SLC8A1: variants seen among roughly 807,000 people sequenced by gnomAD.
SLC8A1 encodes the protein solute carrier family 8 member A1, also known as sodium/calcium exchanger 1.
A neutral mutation model predicts 68.3 loss-of-function variants in SLC8A1; 18 were observed. That is an observed-to-expected ratio of 0.26 (90% CI 0.18 to 0.39). The LOEUF is 0.39. Ranked by LOEUF, SLC8A1 falls within the 10% of genes least tolerant of loss-of-function variation. The pLI is 1.00. For missense variants in SLC8A1, 985 were observed against 1,156.7 expected, an observed-to-expected ratio of 0.85 and a Z score of 2.15; for synonymous variants, 475 against 415.5, an observed-to-expected ratio of 1.14 and a Z score of -1.74.
chr2:40,141,255 G>C (rs1391489099), intron 6 of SLC8A1, among the ~76,000 whole-genome samples: 2 of 152,126 alleles, frequency 1.3e-5, no homozygotes, highest in Non-Finnish European at 2.9e-5. Context: ...CAAGCCATTG[G>C]GTGCAGATGA....
At chr2:40,234,892 T>C (rs2060162809) in intron 2 of SLC8A1, among the ~76,000 whole-genome samples, 1 of 152,184 alleles carries the variant, frequency 6.6e-6, no homozygotes, top group African/African-American at 2.4e-5. Context: ...GTTTATATGC[T>C]GGATTATATT....
intron 2 of SLC8A1, among the ~76,000 whole-genome samples, chr2:40,321,766 C>T (rs1454729434): frequency 6.6e-6 from 1 of 151,998 alleles, no homozygotes; most frequent in Non-Finnish European, 1.5e-5. Context: ...CCACTGAGTC[C>T]CTCCCATGAC....
chr2:40,151,468 G>T (rs561147409), intron 6 of SLC8A1, among the ~76,000 whole-genome samples: 8 of 152,170 alleles, frequency 5.3e-5, no homozygotes, highest in Non-Finnish European at 7.4e-5. Context: ...TAGAGAAATA[G>T]CGATGAACAG....
At chr2:40,231,360 C>A (rs545278119) in intron 2 of SLC8A1, among the ~76,000 whole-genome samples, 2 of 152,252 alleles carry the variant, frequency 1.3e-5, no homozygotes, top group South Asian at 4.1e-4. Flanking sequence ...TGGGGATATA[C>A]CTGATCCACA....
intron 1 of SLC8A1, 141 bp downstream of exon 1, chr2:40,451,763 A>T (rs1417148338): frequency 6.5e-6 from 1 of 154,834 alleles, no homozygotes; most frequent in East Asian, 1.9e-4. Context: ...ACACACACAC[A>T]CACACACACA....
intron 1 of SLC8A1, among the ~76,000 whole-genome samples, chr2:40,484,457 G>A (rs570820906): frequency 9.8e-5 from 15 of 152,292 alleles, no homozygotes; most frequent in African/African-American, 3.6e-4. Context: ...GAGCTTTCTC[G>A]TATCTTTACA....
chr2:40,388,501 A>G (rs1331383171), intron 2 of SLC8A1, among the ~76,000 whole-genome samples: 2 of 152,170 alleles, frequency 1.3e-5, no homozygotes, highest in South Asian at 2.1e-4. Flanking sequence ...GGACCCATTT[A>G]AAACGTTAGG....
intron 2 of SLC8A1, among the ~76,000 whole-genome samples, chr2:40,401,134 T>A (rs891343174): frequency 6.6e-6 from 1 of 152,330 alleles, no homozygotes; most frequent in East Asian, 1.9e-4. Flanking sequence ...AAAAACCTGA[T>A]TGCAAGTCTT....
intron 1 of SLC8A1, among the ~76,000 whole-genome samples, chr2:40,484,911 A>C (rs1329800279): frequency 1.3e-5 from 2 of 152,184 alleles, no homozygotes; most frequent in Admixed American, 6.5e-5. Flanking sequence ...AGAGATATGC[A>C]TTGCTTGCAT....
At chr2:40,202,439 T>C (rs1161348970) in intron 2 of SLC8A1, among the ~76,000 whole-genome samples, 1 of 152,020 alleles carries the variant, frequency 6.6e-6, no homozygotes, top group Non-Finnish European at 1.5e-5. Context: ...GGTGATTATG[T>C]TTCTACCTGA....
At chr2:40,279,762 AGTTGGT>A in intron 2 of SLC8A1, among the ~76,000 whole-genome samples, 1 of 152,156 alleles carries the variant, frequency 6.6e-6, no homozygotes, top group Non-Finnish European at 1.5e-5. Flanking sequence ...TAGGGTGAAA[AGTTGGT>A]ACATTCTGTT....
At chr2:40,182,989 A>G (rs1348762501) in intron 2 of SLC8A1, among the ~76,000 whole-genome samples, 1 of 152,178 alleles carries the variant, frequency 6.6e-6, no homozygotes, top group Non-Finnish European at 1.5e-5. Context: ...ACATATTTAG[A>G]TGCTTACAGT....
At chr2:40,412,786 A>T (rs1030440534) in intron 2 of SLC8A1, among the ~76,000 whole-genome samples, 7 of 152,152 alleles carry the variant, frequency 4.6e-5, no homozygotes, top group Non-Finnish European at 1.0e-4. Flanking sequence ...GAAGACACCA[A>T]CCTCATTTTA....
At chr2:40,229,693 T>G (rs576526176) in intron 2 of SLC8A1, among the ~76,000 whole-genome samples, 5 of 127,144 alleles carry the variant, frequency 3.9e-5, no homozygotes, top group Non-Finnish European at 9.6e-5. Context: ...CCTCCAAACA[T>G]AACCTAACAA....
intron 1 of SLC8A1, among the ~76,000 whole-genome samples, chr2:40,463,956 G>C (rs114107392): frequency 2.0e-5 from 3 of 151,466 alleles, no homozygotes; most frequent in Admixed American, 6.6e-5. Flanking sequence ...ATGAAGTGAC[G>C]TGATATTGGC....
chr2:40,406,061 G>A (rs959020381), intron 2 of SLC8A1, among the ~76,000 whole-genome samples: 1 of 152,064 alleles, frequency 6.6e-6, no homozygotes, highest in Non-Finnish European at 1.5e-5. Flanking sequence ...CTCCCAAATT[G>A]TTTCCACTAG....
chr2:40,432,287 G>A (rs770664260), intron 1 of SLC8A1, among the ~76,000 whole-genome samples: 1 of 151,552 alleles, frequency 6.6e-6, no homozygotes, highest in Non-Finnish European at 1.5e-5. Context: ...TGTCCTCACA[G>A]AGCTTATATT....
At chr2:40,405,487 G>T (rs1410482459) in intron 2 of SLC8A1, among the ~76,000 whole-genome samples, 1 of 152,138 alleles carries the variant, frequency 6.6e-6, no homozygotes, top group East Asian at 1.9e-4. Flanking sequence ...ACAGTTGTCC[G>T]CTTTTCCAGC....
chr2:40,237,638 T>A (rs2060579469), intron 2 of SLC8A1, among the ~76,000 whole-genome samples: 1 of 152,168 alleles, frequency 6.6e-6, no homozygotes, highest in African/African-American at 2.4e-5. Context: ...CTTTGTTCCG[T>A]TGCTGGTGAG....
Sources: allele counts gnomAD v4.1 joint callset (sites outside exome capture counted in the v4.1 genomes callset), GRCh38; gene constraint gnomAD v4.1.1; transcripts MANE v1.5; gene names NCBI Gene and HGNC (gene_info 2026-07-23, HGNC 2026-07-21).